Variants in HIVEP3 observed in about 807,000 individuals in gnomAD.
HIVEP3 encodes HIVEP zinc finger 3.
Under a neutral mutation model 152.8 loss-of-function variants are expected in HIVEP3, and 49 were observed. The observed-to-expected ratio is 0.32, with a 90% CI of 0.26 to 0.41. The LOEUF (loss-of-function observed/expected upper bound fraction) is 0.41. HIVEP3 is among the 10% of genes least tolerant of loss of function. The pLI, the probability that HIVEP3 is intolerant of heterozygous loss-of-function variation, is 1.00. For missense variants in HIVEP3, 2,790 were observed against 3,103.3 expected (o/e 0.90, Z 2.40); for synonymous variants, 1,269 against 1,289.0 (o/e 0.98, Z 0.33).
intron 1 of HIVEP3, among the ~76,000 whole-genome samples, chr1:41,705,262 C>G (rs751758628): frequency 7.2e-5 from 11 of 152,226 alleles, no homozygotes; most frequent in Non-Finnish European, 1.3e-4. Flanking sequence ...TCTCTACGCT[C>G]TCATCTCCCC....
chr1:41,739,156 G>T (rs969504017), intron 1 of HIVEP3, among the ~76,000 whole-genome samples: 1 of 152,254 alleles, frequency 6.6e-6, no homozygotes, highest in Admixed American at 6.5e-5. Flanking sequence ...AGCCCGCGCC[G>T]CCTCTGCCCC....
chr1:41,783,113 C>A (rs1355121486), intron 1 of HIVEP3, among the ~76,000 whole-genome samples: 1 of 152,168 alleles, frequency 6.6e-6, no homozygotes, highest in Non-Finnish European at 1.5e-5. Flanking sequence ...GTCCTCAGGG[C>A]CCCTGCTAAG....
At chr1:41,999,793 T>C (rs1645416545) in intron 1 of HIVEP3, among the ~76,000 whole-genome samples, 1 of 151,844 alleles carries the variant, frequency 6.6e-6, no homozygotes, top group South Asian at 2.1e-4. Flanking sequence ...TGAAGTCCAA[T>C]ATGAATGGTT....
intron 7 of HIVEP3, among the ~76,000 whole-genome samples, chr1:41,515,845 A>G (rs1642588974): frequency 6.6e-6 from 1 of 152,172 alleles, no homozygotes; most frequent in Non-Finnish European, 1.5e-5. Context: ...TAAGTACCCA[A>G]TAAACTTCAG....
intron 1 of HIVEP3, among the ~76,000 whole-genome samples, chr1:42,014,652 G>A (rs1645511852): frequency 6.6e-6 from 1 of 152,072 alleles, no homozygotes; most frequent in Non-Finnish European, 1.5e-5. Context: ...ATCTGCTCAG[G>A]TGAACTTTCT....
At chr1:41,702,523 G>C (rs754364663) in intron 1 of HIVEP3, among the ~76,000 whole-genome samples, 4 of 152,062 alleles carry the variant, frequency 2.6e-5, no homozygotes, top group African/African-American at 7.3e-5. Context: ...GTAATTCATT[G>C]AATTGTAATG....
intron 3 of HIVEP3, among the ~76,000 whole-genome samples, chr1:41,605,347 T>C (rs543369789): frequency 2.0e-5 from 3 of 149,862 alleles, no homozygotes; most frequent in South Asian, 4.2e-4. Context: ...TGTGGTTACA[T>C]AGATATTACA....
At chr1:41,960,461 C>T (rs1645163746) in intron 1 of HIVEP3, among the ~76,000 whole-genome samples, 1 of 152,180 alleles carries the variant, frequency 6.6e-6, no homozygotes, top group African/African-American at 2.4e-5. Context: ...CCAAGTGTCA[C>T]TTGTGACAGA....
At chr1:41,760,921 C>T (rs1038196416) in intron 1 of HIVEP3, among the ~76,000 whole-genome samples, 5 of 152,180 alleles carry the variant, frequency 3.3e-5, no homozygotes, top group African/African-American at 7.2e-5. Context: ...AAACATGTCC[C>T]GTCTGTCTCC....
At chr1:41,928,357 CT>C (rs1301866889) in intron 1 of HIVEP3, among the ~76,000 whole-genome samples, 2 of 152,088 alleles carry the variant, frequency 1.3e-5, no homozygotes, top group East Asian at 1.9e-4. Context: ...GCTCTCCCTA[CT>C]TTTTTTCTTT....
At chr1:41,831,997 C>T (rs1034140720) in intron 1 of HIVEP3, among the ~76,000 whole-genome samples, 1 of 152,132 alleles carries the variant, frequency 6.6e-6, no homozygotes, top group Non-Finnish European at 1.5e-5. Context: ...GGGTCTAGAG[C>T]GTTGCCATTT....
intron 1 of HIVEP3, among the ~76,000 whole-genome samples, chr1:41,971,759 A>G (rs1645230903): frequency 6.6e-6 from 1 of 152,184 alleles, no homozygotes; most frequent in African/African-American, 2.4e-5. Context: ...CTCCTCCAAA[A>G]TTCATGTTGC....
chr1:41,579,917 G>A lies in HIVEP3; in HGVS notation c.4881C>T (p.Tyr1627=), dbSNP rs138363884. 6.5e-4 allele frequency: 1,054 copies of A among 1,614,084 alleles called. 1 individual carries two copies. The highest frequency in any genetic ancestry group is 8.4e-4 in the Non-Finnish European group (988 of 1,180,040). ...TGTACAAACTTATGCACCAACCAGCGTAAACAGAGGACCTCCTATCTGCAT... is the reference window on the plus strand; with the variant it reads ...TGTACAAACTTATGCACCAACCAGCATAAACAGAGGACCTCCTATCTGCAT... ...IQHADRRSSV[Y]AGWCISLYNP... is the part of the protein sequence containing the mutation. Residue 1627 remains tyrosine (Y), a synonymous_variant, in exon 4 of 9, where the codon TAC becomes TAT. Coordinates refer to ENST00000372583, the MANE Select transcript of HIVEP3 (RefSeq NM_024503.5).
chr1:41,656,640 C>G (rs759579685), intron 2 of HIVEP3, among the ~76,000 whole-genome samples: 11 of 152,206 alleles, frequency 7.2e-5, no homozygotes, highest in Admixed American at 1.3e-4. Flanking sequence ...AAGAGCCAGA[C>G]AGAAAGGAAA....
intron 1 of HIVEP3, among the ~76,000 whole-genome samples, chr1:41,767,684 A>G (rs922462167): frequency 6.6e-6 from 1 of 152,168 alleles, no homozygotes; most frequent in Admixed American, 6.5e-5. Flanking sequence ...ACACTGCTTG[A>G]CCTGCTTCTC....
chr1:41,973,289 T>C (rs933694313), intron 1 of HIVEP3, among the ~76,000 whole-genome samples: 3 of 152,262 alleles, frequency 2.0e-5, no homozygotes, highest in Non-Finnish European at 2.9e-5. Flanking sequence ...CATTACCAGC[T>C]TCAGGGTCTC....
At chr1:41,517,405 G>C (rs911946861) in intron 7 of HIVEP3, among the ~76,000 whole-genome samples, 34 of 152,302 alleles carry the variant, frequency 2.2e-4, no homozygotes, top group African/African-American at 8.2e-4. Flanking sequence ...CTAGCTTTGG[G>C]GGGGAACAGC....
chr1:41,798,520 A>C (rs890960270), intron 1 of HIVEP3, among the ~76,000 whole-genome samples: 6 of 152,208 alleles, frequency 3.9e-5, no homozygotes, highest in Non-Finnish European at 8.8e-5. Flanking sequence ...ACCCCTGAAG[A>C]AGTATACCAA....
At chr1:41,528,163 CT>C (rs1643069871) in intron 5 of HIVEP3, among the ~76,000 whole-genome samples, 1 of 143,120 alleles carries the variant, frequency 7.0e-6, no homozygotes, top group South Asian at 2.4e-4. Context: ...CACACTTGCC[CT>C]CACACTCCAC....
Sources: allele counts gnomAD v4.1 joint callset (sites outside exome capture counted in the v4.1 genomes callset), GRCh38; gene constraint gnomAD v4.1.1; transcripts MANE v1.5; gene names NCBI Gene and HGNC (gene_info 2026-07-23, HGNC 2026-07-21).